DIPK2B: variants seen among roughly 807,000 people sequenced by gnomAD.
DIPK2B encodes divergent protein kinase domain 2B.
A neutral mutation model predicts 22.2 loss-of-function variants in DIPK2B; 15 were observed. The ratio of observed to expected loss-of-function variants is 0.68; its 90% CI spans 0.45 to 1.04. The LOEUF (loss-of-function observed/expected upper bound fraction) is 1.04. DIPK2B is among the 50% of genes least tolerant of loss of function. The pLI, the probability that DIPK2B is intolerant of heterozygous loss-of-function variation, is 0.00. For missense variants in DIPK2B, 345 were observed against 348.3 expected, an observed-to-expected ratio of 0.99 and a Z score of 0.08; for synonymous variants, 163 against 153.2, an observed-to-expected ratio of 1.06 and a Z score of -0.47.
At chrX:45,190,225 C>T (rs2047203799) in intron 2 of DIPK2B, among the ~76,000 whole-genome samples, 1 of 111,912 alleles carries the variant, frequency 8.9e-6, no homozygotes, top group Non-Finnish European at 1.9e-5. Context: ...GCACCCAGCA[C>T]CGCTCCTGAT....
At chrX:45,166,571 C>T (rs1375253458) in intron 2 of DIPK2B, among the ~76,000 whole-genome samples, 2 of 111,483 alleles carry the variant, frequency 1.8e-5, no homozygotes, top group Non-Finnish European at 3.8e-5. Flanking sequence ...CCATCCTGTG[C>T]CCCGGTATAA....
chrX:45,167,521 AG>A (rs1476783682), intron 2 of DIPK2B, among the ~76,000 whole-genome samples: 1 of 102,848 alleles, frequency 9.7e-6, no homozygotes, highest in Non-Finnish European at 2.0e-5. Flanking sequence ...AAAAAAAAAG[AG>A]GAGAAACATC....
At position 45,157,857 on chromosome X, in the gene DIPK2B, G is replaced by T; in HGVS notation, c.530C>A (p.Ser177Ter). The T allele has an allele frequency of 8.6e-7, 1 of 1,164,240 alleles. No individual in the cohort carries two copies. Residue 177 changes from serine (S) to a stop codon, truncating the protein, a stop_gained, in exon 3 of 5, where the codon TCG becomes TAG. Coordinates refer to ENST00000398000, the MANE Select transcript of DIPK2B (RefSeq NM_176819.4). LOFTEE classifies it high-confidence loss of function. ...GACCACGCGATCCAGGAGTCGCTGC[G>T]AAGGGCAGCGCAGGAGCGGGCTGGC... ...GLASPLLRCPSQRLLDRVVRR... is the reference protein window; with the variant it reads ...GLASPLLRCP
intron 1 of DIPK2B, among the ~76,000 whole-genome samples, chrX:45,198,011 T>C (rs2047249118): frequency 8.9e-6 from 1 of 112,517 alleles, no homozygotes; most frequent in Non-Finnish European, 1.9e-5. Context: ...TAAATTATGG[T>C]TGATTGATGC....
rs151037547 is a variant in DIPK2B, at chrX:45,191,924, G to T, written c.325C>A (p.Arg109Ser). ...ACCAGTCTAAAGATCTCCACAGGGC[G>T]CCAGATTTTGGAATCATCTGAGTAA... ...ANYSDDSKIW[R>S]PVEIFRLVSK... Residue 109 changes from arginine to serine, a missense_variant, in exon 2 of 5, where the codon CGC (arginine) becomes AGC (serine). Coordinates refer to ENST00000398000, the MANE Select transcript of DIPK2B (RefSeq NM_176819.4). 7 of 1,211,770 alleles carry T rather than the reference G, an allele frequency of 5.8e-6. No individual in the cohort carries two copies. The highest frequency in any genetic ancestry group is 7.8e-6 in the Non-Finnish European group (7 of 895,416).
At chrX:45,164,875 T>A (rs1038988072) in intron 2 of DIPK2B, among the ~76,000 whole-genome samples, 1 of 111,855 alleles carries the variant, frequency 8.9e-6, no homozygotes, top group African/African-American at 3.2e-5. Flanking sequence ...AGTTCAAGAC[T>A]GCAGTGAGCC....
intron 4 of DIPK2B, among the ~76,000 whole-genome samples, chrX:45,153,655 G>GCACAA (rs1407851126): frequency 1.8e-5 from 2 of 110,718 alleles, no homozygotes; most frequent in Non-Finnish European, 3.8e-5. Context: ...AGCTGGGGCT[G>GCACAA]TGCCACTATG....
chrX:45,165,353 C>G (rs772364816), intron 2 of DIPK2B, among the ~76,000 whole-genome samples: 16 of 111,547 alleles, frequency 1.4e-4, no homozygotes, highest in Non-Finnish European at 2.8e-4. Flanking sequence ...CTCCAGAAAA[C>G]CAGACAATCT....
chrX:45,191,401 G>A, intron 2 of DIPK2B: 1 of 211,501 alleles, frequency 4.7e-6, no homozygotes, highest in Non-Finnish European at 8.6e-6. Flanking sequence ...GGCTGGCAAA[G>A]AGCTGTCAGA....
chrX:45,175,491 A>T (rs1179804880), intron 2 of DIPK2B, among the ~76,000 whole-genome samples: 2 of 108,227 alleles, frequency 1.8e-5, no homozygotes, highest in African/African-American at 6.7e-5. Context: ...AAAAAACACC[A>T]ATGTGTTAAC....
At position 45,149,138 on chromosome X, in the gene DIPK2B, T is replaced by C. The variant is rs2046948053; in HGVS notation, c.*2514A>G. ...CTGACCCACGCAGGGCCAAAGTCGC[T>C]CATTGTGTGGAGGCATTTTGCGGTG... On this transcript the variant is annotated 3_prime_UTR_variant, in exon 5 of 5. Coordinates refer to ENST00000398000, the MANE Select transcript of DIPK2B (RefSeq NM_176819.4). The C allele has an allele frequency of 8.9e-6, 1 of 112,601 alleles. No individual in the cohort carries two copies. Among genetic ancestry groups the C allele is most frequent in the Non-Finnish European group, 1.9e-5 (1 of 53,353 alleles). 9.3% of individuals were successfully genotyped at this position (112,601 alleles called of 1,213,427 possible).
At chrX:45,188,279 C>T (rs755796472) in intron 2 of DIPK2B, among the ~76,000 whole-genome samples, 17 of 112,132 alleles carry the variant, frequency 1.5e-4, no homozygotes, top group Admixed American at 3.8e-4. Flanking sequence ...AAGACAGAGG[C>T]TGCTAACTTA....
At position 45,150,818 on chromosome X, in the gene DIPK2B, C is replaced by T. The variant is rs985507569; in HGVS notation, c.*834G>A. 2 of 111,687 alleles carry T rather than the reference C, an allele frequency of 1.8e-5. No individual in the cohort carries two copies. The highest frequency in any genetic ancestry group is 6.5e-5 in the African/African-American group (2 of 30,670). The allele number at this position is 111,687 out of a possible 1,213,427, so 9.2% of individuals were successfully genotyped here. A position where few individuals can be genotyped will look rare whatever the true frequency, so the allele number is the denominator to read the frequency against. On this transcript the variant is annotated 3_prime_UTR_variant, in exon 5 of 5. Transcript: ENST00000398000. Reference sequence around the variant, plus strand: ...CTTCACCGGGGCTCAGCTTGCAGCTCGACTTACTGGTCCTCCCAATCTTCT... The same window carrying T: ...CTTCACCGGGGCTCAGCTTGCAGCTTGACTTACTGGTCCTCCCAATCTTCT...
At chrX:45,156,201 A>G (rs1228330538) in intron 3 of DIPK2B, among the ~76,000 whole-genome samples, 1 of 108,450 alleles carries the variant, frequency 9.2e-6, no homozygotes, top group Non-Finnish European at 1.9e-5. Context: ...CGAACTCCTG[A>G]CCTCAGGTGA....
At chrX:45,178,531 A>G (rs1180795015) in intron 2 of DIPK2B, among the ~76,000 whole-genome samples, 1 of 111,821 alleles carries the variant, frequency 8.9e-6, no homozygotes, top group East Asian at 2.8e-4. Context: ...GAGAAAGGAT[A>G]CACACGAGGT....
At chrX:45,160,437 T>TGACCTCAGGTGAACCACC (rs2047017085) in intron 2 of DIPK2B, among the ~76,000 whole-genome samples, 1 of 111,143 alleles carries the variant, frequency 9.0e-6, no homozygotes, top group Non-Finnish European at 1.9e-5. Context: ...TTTGAACTCC[T>TGACCTCAGGTGAACCACC]GACCTCAGGT....
At chrX:45,194,065 T>G (rs1387106051) in intron 1 of DIPK2B, among the ~76,000 whole-genome samples, 2 of 112,222 alleles carry the variant, frequency 1.8e-5, no homozygotes, top group Non-Finnish European at 3.8e-5. Flanking sequence ...CAGATTCATT[T>G]AATTGTTTCA....
intron 2 of DIPK2B, among the ~76,000 whole-genome samples, chrX:45,169,133 A>G (rs1272940864): frequency 1.8e-5 from 2 of 111,593 alleles, no homozygotes; most frequent in Non-Finnish European, 3.8e-5. Context: ...GAATTAAATC[A>G]GGACAACAGG....
chrX:45,175,587 G>T (rs1042122221), intron 2 of DIPK2B, among the ~76,000 whole-genome samples: 39 of 94,863 alleles, frequency 4.1e-4, no homozygotes, highest in African/African-American at 1.6e-3. Context: ...ATACGTATAT[G>T]TTTAAATATA....
Sources: gnomAD v4.1 joint callset for allele counts (sites outside exome capture counted in the v4.1 genomes callset) on GRCh38, gnomAD v4.1.1 for gene constraint, MANE v1.5 for transcripts, NCBI Gene and HGNC (gene_info 2026-07-23, HGNC 2026-07-21) for gene names.